The following SPTBN2 variants were observed in gnomAD, a reference collection of about 807,000 sequenced individuals.
SPTBN2 encodes the protein spectrin beta, non-erythrocytic 2.
SPTBN2 carries 107 observed loss-of-function variants against 284.2 expected under a neutral mutation model. The observed-to-expected ratio is 0.38, with a 90% CI of 0.32 to 0.44. The LOEUF is 0.44. SPTBN2 is among the 20% of genes least tolerant of loss of function. The probability of loss-of-function intolerance (pLI) is 1.00; values close to 1 mark genes in which losing one functional copy is unlikely to be tolerated. For missense variants in SPTBN2, 2,569 were observed against 3,287.1 expected, an observed-to-expected ratio of 0.78 and a Z score of 5.34; for synonymous variants, 1,289 against 1,354.8, an observed-to-expected ratio of 0.95 and a Z score of 1.07.
rs1590927883 is a variant in SPTBN2, at chr11:66,696,174, G to C, written c.4278+103C>G. ...AAAGAAATGACTCTGGGAAATGCTA[G>C]TGAAGGTGTTATCTGCCAGGCCTCA... On this transcript the variant is annotated intron_variant, in intron 21 of 37. Transcript: ENST00000533211. The C allele has an allele frequency of 4.2e-6, 6 of 1,418,762 alleles. No homozygotes were observed. The East Asian group carries it at 1.4e-4, about 33-fold the overall frequency. The allele number at this position is 1,418,762 out of a possible 1,614,324, so 87.9% of individuals were successfully genotyped here.
chr11:66,685,545 T>G lies in SPTBN2; in HGVS notation c.*326A>C. ...ATGACCCTGAGGCAGGGGCAGCCAC[T>G]CCCCACATGGCCTATGTTGAGGGTG... On this transcript the variant is annotated 3_prime_UTR_variant, in exon 38 of 38. Coordinates refer to ENST00000533211, the MANE Select transcript of SPTBN2 (RefSeq NM_006946.4). The surrounding 1 kb of genome is among the most constrained non-coding windows in gnomAD (Gnocchi z 4.4). 1 of 353,492 alleles carries G rather than the reference T, an allele frequency of 2.8e-6. No individual in the cohort carries two copies. The highest frequency in any genetic ancestry group is 2.5e-5 in the South Asian group (1 of 39,992). 21.9% of individuals were successfully genotyped at this position (353,492 alleles called of 1,614,324 possible).
chr11:66,735,444 T>A (rs1942845126), intron 1 of SPTBN2, among the ~76,000 whole-genome samples: 1 of 151,744 alleles, frequency 6.6e-6, no homozygotes, highest in Non-Finnish European at 1.5e-5. Context: ...GCATGGTGGC[T>A]CACGCCTGTA....
At position 66,704,734 on chromosome 11, in the gene SPTBN2, A is replaced by G. The variant is rs1941428172; in HGVS notation, c.2542T>C (p.Leu848=). ...QARAGERARA[L]EAALALYTML... ...GTGTAGAGCGCCAGGGCTGCCTCCA[A>G]GGCCCGCGCTCGCTCGCCTGCCCGG... Residue 848 remains leucine (L), a synonymous_variant, in exon 15 of 38, where the codon TTG becomes CTG. Transcript: ENST00000533211. 6.2e-7 allele frequency: 1 copy of G among 1,603,004 alleles called. No individual in the cohort carries two copies. Among genetic ancestry groups the G allele is most frequent in the Non-Finnish European group, 8.5e-7 (1 of 1,175,944 alleles).
intron 25 of SPTBN2, 103 bp downstream of exon 25, chr11:66,692,866 GA>G: frequency 6.3e-7 from 1 of 1,595,780 alleles, no homozygotes; most frequent in Non-Finnish European, 8.5e-7. Flanking sequence ...CAGCTTTCTA[GA>G]AGGCTCCGTG....
At chr11:66,702,892 T>G (rs1325546083) in intron 15 of SPTBN2, among the ~76,000 whole-genome samples, 2 of 131,424 alleles carry the variant, frequency 1.5e-5, no homozygotes, top group Non-Finnish European at 3.1e-5. Context: ...GAGCCAAGAT[T>G]GTGCCACTGC....
chr11:66,690,423 T>C, intron 27 of SPTBN2, 140 bp from the exon 28 acceptor site: 1 of 1,234,744 alleles, frequency 8.1e-7, no homozygotes. Flanking sequence ...GTGGGGGTGC[T>C]GGGAAAGATG....
At chr11:66,732,161 G>A (rs557218720), upstream of SPTBN2, among the ~76,000 whole-genome samples, 9 of 152,204 alleles carry the variant, frequency 5.9e-5, no homozygotes, top group South Asian at 1.9e-3. Context: ...AACTCCAAGA[G>A]GTAAGTATTA....
At chr11:66,738,507 T>G (rs1270033871) in intron 1 of SPTBN2, among the ~76,000 whole-genome samples, 1 of 152,090 alleles carries the variant, frequency 6.6e-6, no homozygotes, top group Non-Finnish European at 1.5e-5. Context: ...CAAATTGACT[T>G]TATTATTTTT....
chr11:66,741,919 C>T (rs1007697945), intron 1 of SPTBN2, among the ~76,000 whole-genome samples: 1 of 152,024 alleles, frequency 6.6e-6, no homozygotes, highest in Non-Finnish European at 1.5e-5. Flanking sequence ...ACTCGAGGGG[C>T]TCGAGATCCT....
chr11:66,702,960 A>AG (rs1941329602), intron 15 of SPTBN2, among the ~76,000 whole-genome samples: 1 of 149,638 alleles, frequency 6.7e-6, no homozygotes, highest in Non-Finnish European at 1.5e-5. Flanking sequence ...AAAAAAAAAA[A>AG]CCAAAAAAAA....
At position 66,710,680 on chromosome 11, in the gene SPTBN2, G is replaced by C. The variant is rs928388614; in HGVS notation, c.975C>G (p.Ile325Met). 1 of 1,614,172 alleles carries C rather than the reference G, an allele frequency of 6.2e-7. No homozygotes were observed. Among genetic ancestry groups the C allele is most frequent in the East Asian group, 2.2e-5 (1 of 44,880 alleles). The change falls in exon 10 of 38, where the codon ATC (isoleucine) becomes ATG (methionine). Residue 325 changes from isoleucine (I) to methionine (M), a missense_variant. Transcript: ENST00000533211. The surrounding 1 kb of genome is among the most constrained non-coding windows in gnomAD (Gnocchi z 4.9). ...CCAACTGCCGGTCATTGAGGGTCAC[G>C]ATCGTTTGCTCGATCCACTGCAGCA... ...SELLQWIEQTIVTLNDRQLAN... is the reference protein window; with the variant it reads ...SELLQWIEQTMVTLNDRQLAN...
At position 66,700,836 on chromosome 11, in the gene SPTBN2, A is replaced by T. The variant is rs1565129127; in HGVS notation, c.3263T>A (p.Val1088Glu). The T allele has an allele frequency of 8.7e-6, 14 of 1,600,276 alleles. No homozygotes were observed. The highest frequency in any genetic ancestry group is 1.2e-5 in the Non-Finnish European group (14 of 1,179,802). The change falls in exon 17 of 38, where the codon GTG becomes GAG. Residue 1088 changes from valine (V) to glutamate (E), a missense_variant. This residue lies in a region of SPTBN2 where 1,012 missense variants were observed against 1,248.9 expected (regional missense o/e 0.81). Coordinates refer to ENST00000533211, the MANE Select transcript of SPTBN2 (RefSeq NM_006946.4). The surrounding 1 kb of genome is among the most constrained non-coding windows in gnomAD (Gnocchi z 6.6). ...QAWLGRTQTAVASEEGPATLP... is the reference protein window; with the variant it reads ...QAWLGRTQTAEASEEGPATLP... The stretch of plus-strand genomic sequence containing the variant: ...GGTGGCCGGCCCTTCTTCAGAGGCC[A>T]CAGCAGTCTGAGTGCGGCCTAGCCA...
In SPTBN2 at chr11:66,698,692, C is replaced by A; in HGVS notation, c.3961G>T (p.Ala1321Ser). The A allele has an allele frequency of 6.2e-7, 1 of 1,614,254 alleles. No individual in the cohort carries two copies. Among genetic ancestry groups the A allele is most frequent in the Non-Finnish European group, 8.5e-7 (1 of 1,180,044 alleles). ...TTGGCAGCCAGCTCGGCCATGAATG[C>A]CTGGTGCTTCTGCCACTTAGTATGC... ...NLHTKWQKHQ[A>S]FMAELAANKD... Residue 1321 changes from alanine to serine, a missense_variant, in exon 20 of 38, where the codon GCA becomes TCA. This residue lies in a region of SPTBN2 where 24 missense variants were observed against 58.1 expected (regional missense o/e 0.41). Transcript: ENST00000533211.
chr11:66,741,824 A>G (rs909345750), intron 1 of SPTBN2, among the ~76,000 whole-genome samples: 13 of 152,060 alleles, frequency 8.5e-5, no homozygotes, highest in Non-Finnish European at 1.8e-4. Flanking sequence ...CGTTTTTAAA[A>G]TTTTAATTTT....
intron 15 of SPTBN2, among the ~76,000 whole-genome samples, chr11:66,703,947 A>G (rs1347826621): frequency 6.6e-6 from 1 of 151,568 alleles, no homozygotes; most frequent in Non-Finnish European, 1.5e-5. Flanking sequence ...TATTGTAGGT[A>G]AGAATGCTTC....
At chr11:66,729,430 C>G (rs929746443), upstream of SPTBN2, among the ~76,000 whole-genome samples, 4 of 152,032 alleles carry the variant, frequency 2.6e-5, no homozygotes, top group Non-Finnish European at 4.4e-5. Context: ...CCGTTTCTAT[C>G]CAGGGAATGC....
Position 66,699,081 on chromosome 11 carries a change from G to A in SPTBN2, c.3778C>T (p.His1260Tyr), listed in dbSNP as rs752044360. Residue 1260 changes from histidine to tyrosine, a missense_variant and splice_region_variant, in exon 19 of 38, where the codon CAC becomes TAC. Transcript: ENST00000533211. ...TGCGCTGCGTCTTGATTCTTCTTGTGCCTGGAACGACACCCTCTTGTGAAA... is the reference window on the plus strand; with the variant it reads ...TGCGCTGCGTCTTGATTCTTCTTGTACCTGGAACGACACCCTCTTGTGAAA... Reference protein sequence around the residue: ...REKADSIERRHKKNQDAAQQF... With the variant: ...REKADSIERRYKKNQDAAQQF... 6.2e-7 allele frequency: 1 copy of A among 1,614,196 alleles called. No homozygotes were observed. Among genetic ancestry groups the A allele is most frequent in the Non-Finnish European group, 8.5e-7 (1 of 1,180,038 alleles).
In SPTBN2 at chr11:66,696,388, G is replaced by A. The variant is rs763210344; in HGVS notation, c.4167C>T (p.Ala1389=). Residue 1389 remains alanine (A), a synonymous_variant, in exon 21 of 38, where the codon GCC becomes GCT. Transcript: ENST00000533211. ...LFDANRAELF[A]QSCCALESWL... ...AGCTCTCCAGGGCACAGCAGCTCTG[G>A]GCAAACAGCTCAGCTCGGTTGGCAT... The A allele has an allele frequency of 6.2e-7, 1 of 1,613,394 alleles. No homozygotes were observed.
upstream of SPTBN2, among the ~76,000 whole-genome samples, chr11:66,733,645 C>G (rs1383489349): frequency 1.3e-5 from 2 of 151,854 alleles, no homozygotes; most frequent in African/African-American, 4.8e-5. Flanking sequence ...CTTAAGATAC[C>G]CATTTGGAAT....
Sources: gnomAD v4.1 joint callset for allele counts (sites outside exome capture counted in the v4.1 genomes callset) on GRCh38, gnomAD v4.1.1 for gene constraint, gnomAD v4.1.1 regional missense constraint, Gnocchi (gnomAD v3.1) non-coding constraint, MANE v1.5 for transcripts, NCBI Gene and HGNC (gene_info 2026-07-23, HGNC 2026-07-21) for gene names.